CACNG3: variants seen among roughly 807,000 people sequenced by gnomAD.
CACNG3 encodes voltage-dependent calcium channel gamma-3 subunit.
CACNG3 carries 3 observed loss-of-function variants against 28.5 expected under a neutral mutation model. The observed-to-expected ratio is 0.11, with a 90% CI of 0.05 to 0.27. The LOEUF (loss-of-function observed/expected upper bound fraction) is 0.27, where lower values mean the gene tolerates loss of function less well. CACNG3 is among the 10% of genes least tolerant of loss of function. The pLI, the probability that CACNG3 is intolerant of heterozygous loss-of-function variation, is 1.00. For missense variants in CACNG3, 236 were observed against 414.4 expected, an observed-to-expected ratio of 0.57 and a Z score of 3.74; for synonymous variants, 174 against 162.2, an observed-to-expected ratio of 1.07 and a Z score of -0.55.
In CACNG3 at chr16:24,361,579, G is replaced by T; in HGVS notation, c.664G>T (p.Ala222Ser). 6.2e-7 allele frequency: 1 copy of T among 1,613,854 alleles called. No homozygotes were observed. The highest frequency in any genetic ancestry group is 8.5e-7 in the Non-Finnish European group (1 of 1,179,938). Reference sequence around the variant, plus strand: ...GGAGTTCCTGAAGAAATCTACTTTTGCCCGCCTCCCACCCTACAGGTATCG... The same window carrying T: ...GGAGTTCCTGAAGAAATCTACTTTTTCCCGCCTCCCACCCTACAGGTATCG... The part of the protein sequence containing the change: ...HSEFLKKSTF[A>S]RLPPYRYRFR... Residue 222 changes from alanine (A) to serine (S), a missense_variant, in exon 4 of 4, where the codon GCC becomes TCC. Physicochemically the swap from Ala to Ser is moderately conservative, Grantham distance 99. Around this residue, in one of 2 missense-constraint regions of CACNG3, gnomAD observed 116 missense variants for 151.0 expected, o/e 0.77. Coordinates refer to ENST00000005284, the MANE Select transcript of CACNG3 (RefSeq NM_006539.4). This position sits in a 1 kb window ranked among gnomAD's most constrained non-coding sequence, Gnocchi z 6.8.
intron 1 of CACNG3, among the ~76,000 whole-genome samples, chr16:24,268,927 A>T (rs1328648935): frequency 6.6e-6 from 1 of 152,190 alleles, no homozygotes; most frequent in Non-Finnish European, 1.5e-5. Context: ...TTGGGCTTGG[A>T]TGACTCTGTA....
intron 1 of CACNG3, among the ~76,000 whole-genome samples, chr16:24,274,834 G>GT (rs1176259103): frequency 1.3e-5 from 2 of 152,118 alleles, no homozygotes; most frequent in Non-Finnish European, 2.9e-5. Flanking sequence ...CGTTAGACTC[G>GT]TTTTATCAAT....
At chr16:24,333,648 C>A (rs1899662188) in intron 1 of CACNG3, 1 of 152,098 alleles carries the variant, frequency 6.6e-6, no homozygotes, top group Non-Finnish European at 1.5e-5. Context: ...ACAACCTGGG[C>A]AACATAGCAA....
chr16:24,351,216 G>A (rs569616447), intron 2 of CACNG3, among the ~76,000 whole-genome samples: 62 of 152,210 alleles, frequency 4.1e-4, no homozygotes, highest in African/African-American at 1.4e-3. Flanking sequence ...TCATTTCATT[G>A]AAACTTACAC....
At chr16:24,314,460 G>C (rs959539829) in intron 1 of CACNG3, among the ~76,000 whole-genome samples, 1 of 152,116 alleles carries the variant, frequency 6.6e-6, no homozygotes, top group African/African-American at 2.4e-5. Flanking sequence ...GAGCAGCCTT[G>C]ACCTTTCTCC....
At chr16:24,301,250 C>T (rs767547175) in intron 1 of CACNG3, among the ~76,000 whole-genome samples, 15 of 151,110 alleles carry the variant, frequency 9.9e-5, no homozygotes, top group Non-Finnish European at 2.1e-4. Context: ...TATGGGGATC[C>T]ATGAATATCT....
intron 3 of CACNG3, 72 bp downstream of exon 3, chr16:24,355,045 A>G (rs1900011367): frequency 6.8e-6 from 10 of 1,467,330 alleles, no homozygotes; most frequent in South Asian, 1.2e-5. Context: ...GGAGGAAGCA[A>G]TGCTACTCAG....
intron 1 of CACNG3, among the ~76,000 whole-genome samples, chr16:24,333,710 C>T (rs375907231): frequency 2.0e-5 from 3 of 152,052 alleles, no homozygotes; most frequent in South Asian, 2.1e-4. Flanking sequence ...GGTATGGTGG[C>T]GTGCACCTGT....
At chr16:24,257,220 G>A (rs1898470991) in intron 1 of CACNG3, among the ~76,000 whole-genome samples, 1 of 151,806 alleles carries the variant, frequency 6.6e-6, no homozygotes, top group East Asian at 1.9e-4. Flanking sequence ...CTGCAGTTTA[G>A]AAAAGTCTTC....
At chr16:24,332,996 A>G (rs1567221029) in intron 1 of CACNG3, among the ~76,000 whole-genome samples, 1 of 152,222 alleles carries the variant, frequency 6.6e-6, no homozygotes, top group Non-Finnish European at 1.5e-5. Flanking sequence ...GACAAGAATG[A>G]TGATGTGATA....
intron 1 of CACNG3, among the ~76,000 whole-genome samples, chr16:24,276,990 G>T (rs1489495645): frequency 6.6e-6 from 1 of 152,196 alleles, no homozygotes; most frequent in Non-Finnish European, 1.5e-5. Context: ...GAAATGGAAG[G>T]GTCTAGTGGG....
intron 1 of CACNG3, among the ~76,000 whole-genome samples, chr16:24,331,639 C>T (rs1377924402): frequency 6.6e-6 from 1 of 152,334 alleles, no homozygotes; most frequent in African/African-American, 2.4e-5. Context: ...ACCATACATG[C>T]TCCTTTTCAG....
chr16:24,300,705 T>C (rs780815675), intron 1 of CACNG3, among the ~76,000 whole-genome samples: 7 of 150,556 alleles, frequency 4.6e-5, no homozygotes, highest in Non-Finnish European at 8.8e-5. Flanking sequence ...GGCAGATCAC[T>C]TGGAGTTCAA....
At chr16:24,351,501 G>A (rs1388184042) in intron 2 of CACNG3, among the ~76,000 whole-genome samples, 5 of 151,378 alleles carry the variant, frequency 3.3e-5, no homozygotes, top group Non-Finnish European at 5.9e-5. Flanking sequence ...GAACTCGGGT[G>A]GTGGAGGTTG....
At chr16:24,355,111 T>G in intron 3 of CACNG3, 138 bp downstream of exon 3, 1 of 820,236 alleles carries the variant, frequency 1.2e-6, no homozygotes, top group South Asian at 1.9e-5. Context: ...GGATGAGAAC[T>G]CCAAGAATTC....
In CACNG3 at chr16:24,332,535, G is replaced by A. The variant is rs932435800; in HGVS notation, c.212-14199G>A. On this transcript the variant is annotated intron_variant, in intron 1 of 3. Coordinates refer to ENST00000005284, the MANE Select transcript of CACNG3 (RefSeq NM_006539.4). ...TCAACCACAGTTCTTTACACCAGAAGAAAATGTTTATTTCTCAGTAACTGA... is the reference window on the plus strand; with the variant it reads ...TCAACCACAGTTCTTTACACCAGAAAAAAATGTTTATTTCTCAGTAACTGA... 4.0e-5 allele frequency among the ~76,000 whole-genome samples: 6 copies of A among 151,734 alleles called. No individual in the cohort carries two copies. In the South Asian group the frequency reaches 8.3e-4, roughly 21 times the overall value.
intron 1 of CACNG3, among the ~76,000 whole-genome samples, chr16:24,303,733 T>C (rs558821495): frequency 2.6e-4 from 39 of 151,852 alleles, no homozygotes; most frequent in African/African-American, 9.4e-4. Flanking sequence ...GCCTGGGCAA[T>C]GTGGCCAAAC....
intron 1 of CACNG3, among the ~76,000 whole-genome samples, chr16:24,267,537 C>T (rs571329302): frequency 7.9e-5 from 12 of 152,280 alleles, no homozygotes; most frequent in Admixed American, 5.2e-4. Context: ...ATTCTCCCAC[C>T]GTGGCCTCCC....
At chr16:24,355,704 T>G (rs966456332) in intron 3 of CACNG3, among the ~76,000 whole-genome samples, 4 of 152,166 alleles carry the variant, frequency 2.6e-5, no homozygotes, top group Admixed American at 1.3e-4. Context: ...TGTTCAAGCC[T>G]CTCTTACTCA....
Sources: gnomAD v4.1 joint callset for allele counts (sites outside exome capture counted in the v4.1 genomes callset) on GRCh38, gnomAD v4.1.1 for gene constraint, gnomAD v4.1.1 regional missense constraint, Gnocchi (gnomAD v3.1) non-coding constraint, MANE v1.5 for transcripts, NCBI Gene and HGNC (gene_info 2026-07-23, HGNC 2026-07-21) for gene names.